CLOCK: variants seen among roughly 807,000 people sequenced by gnomAD.
CLOCK encodes circadian locomoter output cycles protein kaput.
CLOCK carries 43 observed loss-of-function variants against 118.4 expected under a neutral mutation model. The ratio of observed to expected loss-of-function variants is 0.36; its 90% confidence interval spans 0.28 to 0.47. The LOEUF (loss-of-function observed/expected upper bound fraction) is 0.47, where lower values mean the gene tolerates loss of function less well. Ranked by LOEUF, CLOCK falls within the 20% of genes least tolerant of loss-of-function variation. The pLI is 1.00. For missense variants in CLOCK, 846 were observed against 999.9 expected (o/e 0.85, Z 2.08); for synonymous variants, 326 against 339.2 (o/e 0.96, Z 0.43).
At position 55,431,934 on chromosome 4, in the gene CLOCK, A is replaced by G. The variant is rs1722533528; in HGVS notation, c.*3481T>C. On this transcript the variant is annotated 3_prime_UTR_variant, in exon 23 of 23. Coordinates refer to ENST00000513440, the MANE Select transcript of CLOCK (RefSeq NM_004898.4). The stretch of plus-strand genomic sequence containing the variant: ...GCTCTTGATGGAGCTGGACTGCTTC[A>G]GTGCTCCTAGCGTCAAGCAGACTGC... 1 of 152,214 alleles carries G rather than the reference A, an allele frequency of 6.6e-6. No homozygotes were observed. The highest frequency in any genetic ancestry group is 6.5e-5 in the Admixed American group (1 of 15,278). The allele number at this position is 152,214 out of a possible 1,614,324, so 9.4% of individuals were successfully genotyped here. A position where few individuals can be genotyped will look rare whatever the true frequency, so the allele number is the denominator to read the frequency against.
intron 2 of CLOCK, among the ~76,000 whole-genome samples, chr4:55,499,665 ATCG>A (rs1728306346): frequency 6.6e-6 from 1 of 152,126 alleles, no homozygotes; most frequent in South Asian, 2.1e-4. Context: ...CACAGTACCA[ATCG>A]TTGTTTCAGT....
chr4:55,503,990 A>G (rs1194405272), intron 2 of CLOCK, among the ~76,000 whole-genome samples: 1 of 147,140 alleles, frequency 6.8e-6, no homozygotes. Context: ...AAAAAAAAAA[A>G]AAAAAAAAAA....
At chr4:55,462,897 A>AT (rs1181733624) in intron 9 of CLOCK, among the ~76,000 whole-genome samples, 1 of 151,988 alleles carries the variant, frequency 6.6e-6, no homozygotes, top group African/African-American at 2.4e-5. Context: ...ATGCTATAGA[A>AT]TTTGAGGATT....
chr4:55,453,483 A>T, intron 14 of CLOCK, 194 bp downstream of exon 14: 1 of 504,322 alleles, frequency 2.0e-6, no homozygotes, highest in Non-Finnish European at 3.4e-6. Flanking sequence ...TTATATCAAG[A>T]CTTATATATC....
chr4:55,538,858 AAAGG>A (rs1731071712), intron 1 of CLOCK, among the ~76,000 whole-genome samples: 2 of 152,372 alleles, frequency 1.3e-5, no homozygotes, highest in South Asian at 2.1e-4. Flanking sequence ...CAACAAAAAG[AAAGG>A]AAGACAGAAA....
chr4:55,543,194 TA>T (rs1731397116), intron 1 of CLOCK, among the ~76,000 whole-genome samples: 1 of 152,206 alleles, frequency 6.6e-6, no homozygotes, highest in Non-Finnish European at 1.5e-5. Flanking sequence ...TACAGTGAAT[TA>T]AATCTATACC....
At chr4:55,479,042 A>G in intron 5 of CLOCK, 79 bp from the exon 6 acceptor site, 2 of 1,144,730 alleles carry the variant, frequency 1.7e-6, no homozygotes, top group Non-Finnish European at 2.5e-6. Flanking sequence ...TAATTTAGAC[A>G]TGACACAGCA....
intron 14 of CLOCK, 22 bp from the exon 15 acceptor site, chr4:55,453,151 A>C: frequency 1.3e-6 from 2 of 1,586,834 alleles, no homozygotes; most frequent in Non-Finnish European, 1.7e-6. Flanking sequence ...AAAAATAATC[A>C]AATTTTAGTG....
At chr4:55,445,952 C>T (rs1043495719) in intron 18 of CLOCK, among the ~76,000 whole-genome samples, 2 of 151,810 alleles carry the variant, frequency 1.3e-5, no homozygotes, top group Non-Finnish European at 2.9e-5. Flanking sequence ...TCCGTGTTAC[C>T]AGTTAATAAT....
At chr4:55,448,601 C>CGCGCGTGTGTGT (rs764071880) in intron 18 of CLOCK, among the ~76,000 whole-genome samples, 178 bp downstream of exon 18, 206 of 117,022 alleles carry the variant, frequency 1.8e-3, no homozygotes, top group South Asian at 4.6e-3. Flanking sequence ...CGCACGCGCG[C>CGCGCGTGTGTGT]GTGTGTGTGT....
At chr4:55,467,800 T>C (rs1354341068) in intron 8 of CLOCK, among the ~76,000 whole-genome samples, 1 of 152,110 alleles carries the variant, frequency 6.6e-6, no homozygotes, top group Non-Finnish European at 1.5e-5. Context: ...TAATATCTCA[T>C]GTTTTACTCT....
At chr4:55,527,739 C>T (rs1363045344) in intron 1 of CLOCK, among the ~76,000 whole-genome samples, 4 of 151,776 alleles carry the variant, frequency 2.6e-5, no homozygotes, top group East Asian at 1.9e-4. Flanking sequence ...GTAATGATAC[C>T]GAGATTATGA....
chr4:55,482,595 AT>A (rs1727008502), intron 4 of CLOCK, 143 bp downstream of exon 4: 1 of 578,562 alleles, frequency 1.7e-6, no homozygotes, highest in Non-Finnish European at 2.9e-6. Context: ...TTTTTATACT[AT>A]ATTTGTTTAA....
At position 55,433,648 on chromosome 4, in the gene CLOCK, C is replaced by G. The variant is rs1722666921; in HGVS notation, c.*1767G>C. 1 of 152,128 alleles carries G rather than the reference C, an allele frequency of 6.6e-6. No homozygotes were observed. The highest frequency in any genetic ancestry group is 2.4e-5 in the African/African-American group (1 of 41,434). The allele number at this position is 152,128 out of a possible 1,614,324, so 9.4% of individuals were successfully genotyped here. ...CTCTCCTCCCTTTCCTCAGTAATAA[C>G]ATTTTTTATATTCTAATAATGTATT... On this transcript the variant is annotated 3_prime_UTR_variant, in exon 23 of 23. Transcript: ENST00000513440.
At chr4:55,537,526 G>A (rs530300266) in intron 1 of CLOCK, among the ~76,000 whole-genome samples, 28 of 152,284 alleles carry the variant, frequency 1.8e-4, no homozygotes, top group African/African-American at 6.5e-4. Context: ...ACTCTGGTGC[G>A]AGGATCTCTT....
At chr4:55,459,084 T>G in intron 10 of CLOCK, 64 bp downstream of exon 10, 1 of 1,465,558 alleles carries the variant, frequency 6.8e-7, no homozygotes. Flanking sequence ...CAAACATCTA[T>G]GTCTTTAAGA....
At chr4:55,513,086 A>T (rs762926525) in intron 1 of CLOCK, among the ~76,000 whole-genome samples, 3 of 152,104 alleles carry the variant, frequency 2.0e-5, no homozygotes, top group Non-Finnish European at 4.4e-5. Context: ...TAATGTCCTA[A>T]GCCTTCACAT....
At chr4:55,514,590 TAC>T (rs576150877) in intron 1 of CLOCK, among the ~76,000 whole-genome samples, 150 of 152,128 alleles carry the variant, frequency 9.9e-4, no homozygotes, top group African/African-American at 3.5e-3. Flanking sequence ...GTTTTACAGT[TAC>T]AGAGTTTTTT....
At chr4:55,436,892 C>CTTT (rs35888413) in intron 22 of CLOCK, among the ~76,000 whole-genome samples, 1,543 of 98,280 alleles carry the variant, frequency 0.016, 26 homozygotes, top group East Asian at 0.052. Context: ...TTTGGGATGC[C>CTTT]TTTTTTTTTT....
Sources: gnomAD v4.1 joint callset for allele counts (sites outside exome capture counted in the v4.1 genomes callset) on GRCh38, gnomAD v4.1.1 for gene constraint, MANE v1.5 for transcripts, NCBI Gene and HGNC (gene_info 2026-07-23, HGNC 2026-07-21) for gene names.